The following CAPZB variants were observed in gnomAD, a reference collection of about 807,000 sequenced individuals.
CAPZB encodes F-actin-capping protein subunit beta.
A neutral mutation model predicts 38.1 loss-of-function variants in CAPZB; 2 were observed. The ratio of observed to expected loss-of-function variants is 0.05; its 90% confidence interval spans 0.02 to 0.17. CAPZB has a LOEUF of 0.17. Among genes scored for constraint, CAPZB ranks in the 10% least tolerant of loss-of-function variants. The probability of loss-of-function intolerance (pLI) is 1.00; values close to 1 mark genes in which losing one functional copy is unlikely to be tolerated. For synonymous variants in CAPZB, 107 were observed against 127.4 expected, an observed-to-expected ratio of 0.84 and a Z score of 1.08; for missense variants, 161 against 334.2, an observed-to-expected ratio of 0.48 and a Z score of 4.04.
chr1:19,466,691 T>A (rs548815404), intron 1 of CAPZB, among the ~76,000 whole-genome samples: 1 of 152,310 alleles, frequency 6.6e-6, no homozygotes, highest in Admixed American at 6.5e-5. Flanking sequence ...CCTGGTACAG[T>A]GCTCTTTTCA....
chr1:19,395,284 C>G (rs2094260745), intron 2 of CAPZB, among the ~76,000 whole-genome samples: 1 of 152,282 alleles, frequency 6.6e-6, no homozygotes, highest in East Asian at 1.9e-4. Context: ...TTTTGACCAA[C>G]AAATGATTTA....
chr1:19,485,514 T>G lies in CAPZB; in HGVS notation c.-76A>C. 4.4e-5 allele frequency: 50 copies of G among 1,145,628 alleles called. No individual in the cohort carries two copies. Among genetic ancestry groups the G allele is most frequent in the East Asian group, 6.9e-5 (2 of 29,190 alleles). 71.0% of individuals were successfully genotyped at this position (1,145,628 alleles called of 1,614,324 possible). A position where few individuals can be genotyped will look rare whatever the true frequency, so the allele number is the denominator to read the frequency against. ...CCGCAGCAGGGCCCGGCGCTTCCAC[T>G]TCCCCGGGTGCCCAGGAGTGAACAT... On this transcript the variant is annotated 5_prime_UTR_variant, in exon 1 of 9. Transcript: ENST00000264202.
At position 19,485,525 on chromosome 1, in the gene CAPZB, C is replaced by T; in HGVS notation, c.-87G>A. 1 of 1,119,184 alleles carries T rather than the reference C, an allele frequency of 8.9e-7. No individual in the cohort carries two copies. Among genetic ancestry groups the T allele is most frequent in the Non-Finnish European group, 1.1e-6 (1 of 886,852 alleles). The allele number at this position is 1,119,184 out of a possible 1,614,324, so 69.3% of individuals were successfully genotyped here. ...CCCGGCGCTTCCACTTCCCCGGGTG[C>T]CCAGGAGTGAACATCCGGGTCAGCA... On this transcript the variant is annotated 5_prime_UTR_variant, in exon 1 of 9. Transcript: ENST00000264202.
At position 19,402,210 on chromosome 1, in the gene CAPZB, T is replaced by C. The variant is rs548884512; in HGVS notation, c.94-16584A>G. Among the ~76,000 whole-genome samples the C allele has an allele frequency of 2.6e-5, 4 of 152,330 alleles. No individual in the cohort carries two copies. In the South Asian group the frequency reaches 8.3e-4, roughly 32 times the overall value. The stretch of plus-strand genomic sequence containing the variant: ...GGGCTGCGAAGGAATCAACAGGAAC[T>C]GAGAGAACACCTGAATGGTCTGATT... On this transcript the variant is annotated intron_variant, in intron 2 of 8. Coordinates refer to ENST00000264202, the MANE Select transcript of CAPZB (RefSeq NM_004930.5).
Position 19,378,656 on chromosome 1 carries a change from G to A in CAPZB, c.216-3C>T. The A allele has an allele frequency of 1.3e-6, 2 of 1,524,850 alleles. No individual in the cohort carries two copies. The highest frequency in any genetic ancestry group is 9.1e-7 in the Non-Finnish European group (1 of 1,099,142). 94.5% of individuals were successfully genotyped at this position (1,524,850 alleles called of 1,614,324 possible). A position where few individuals can be genotyped will look rare whatever the true frequency, so the allele number is the denominator to read the frequency against. ...CATACTTGTTACTCCATGGTGACCT[G>A]GAGGGAAGGAAGGAAAAGTATATAC... is the stretch of plus-strand genomic sequence containing the variant. On this transcript the variant is annotated splice_region_variant and splice_polypyrimidine_tract_variant and intron_variant, in intron 3 of 8. Transcript: ENST00000264202.
chr1:19,446,263 C>A (rs2094495585), intron 1 of CAPZB, among the ~76,000 whole-genome samples: 1 of 152,198 alleles, frequency 6.6e-6, no homozygotes, highest in Non-Finnish European at 1.5e-5. Flanking sequence ...AAACTGAGAC[C>A]ATTTTTCTCT....
At chr1:19,419,600 C>T (rs1252173065) in intron 2 of CAPZB, 61 bp downstream of exon 2, 13 of 986,216 alleles carry the variant, frequency 1.3e-5, no homozygotes, top group Non-Finnish European at 1.6e-5. Flanking sequence ...GAAAAAGCTA[C>T]ACAAAAGCAA....
chr1:19,388,515 A>G (rs1438293694), intron 2 of CAPZB, among the ~76,000 whole-genome samples: 1 of 152,246 alleles, frequency 6.6e-6, no homozygotes, highest in African/African-American at 2.4e-5. Context: ...GCACTTGTCC[A>G]GAACTAAATC....
At chr1:19,465,367 C>G (rs2094565654) in intron 1 of CAPZB, among the ~76,000 whole-genome samples, 1 of 152,180 alleles carries the variant, frequency 6.6e-6, no homozygotes, top group African/African-American at 2.4e-5. Flanking sequence ...AAGCCTTTGC[C>G]AAACACTGAG....
At chr1:19,448,826 C>G in intron 1 of CAPZB, 4 of 1,612,802 alleles carry the variant, frequency 2.5e-6, no homozygotes, top group South Asian at 1.1e-5. Context: ...ATCTAAAGTG[C>G]GTGTCACCTT....
At chr1:19,389,010 A>G (rs1054902169) in intron 2 of CAPZB, among the ~76,000 whole-genome samples, 8 of 152,206 alleles carry the variant, frequency 5.3e-5, no homozygotes, top group African/African-American at 1.9e-4. Context: ...TCAACTCTTA[A>G]GCTGGGCCAT....
chr1:19,484,318 C>T (rs1314051546), intron 1 of CAPZB: 1 of 1,595,634 alleles, frequency 6.3e-7, no homozygotes, highest in Non-Finnish European at 8.5e-7. Context: ...GCCTGGTGGC[C>T]CCCCAAGGCC....
At position 19,406,269 on chromosome 1, in the gene CAPZB, C is replaced by T. The variant is rs141470620; in HGVS notation, c.93+13392G>A. ...GCTTCTTTATGTAAGCAATGCAAAG[C>T]CTCTGGGTGCACTGGAACCCAACGC... On this transcript the variant is annotated intron_variant, in intron 2 of 8. Transcript: ENST00000264202. 3.6e-4 allele frequency among the ~76,000 whole-genome samples: 55 copies of T among 152,330 alleles called. 1 individual carries two copies. Among genetic ancestry groups the T allele is most frequent in the African/African-American group, 1.2e-3 (50 of 41,580 alleles).
chr1:19,356,549 G>A lies in CAPZB; in HGVS notation c.588+86C>T, dbSNP rs2094021913. 1.2e-6 allele frequency: 1 copy of A among 852,752 alleles called. No individual in the cohort carries two copies. The highest frequency in any genetic ancestry group is 2.1e-6 in the Non-Finnish European group (1 of 486,944). 52.8% of individuals were successfully genotyped at this position (852,752 alleles called of 1,614,324 possible). ...TGGCTGAACATGCTTACCCTAAATGGGGCACCTGCTCACTCATCTCTGCAG... is the reference window on the plus strand; with the variant it reads ...TGGCTGAACATGCTTACCCTAAATGAGGCACCTGCTCACTCATCTCTGCAG... On this transcript the variant is annotated intron_variant, in intron 6 of 8. Coordinates refer to ENST00000264202, the MANE Select transcript of CAPZB (RefSeq NM_004930.5). The surrounding 1 kb of genome is among the most constrained non-coding windows in gnomAD (Gnocchi z 4.3).
In CAPZB at chr1:19,356,349, T is replaced by A. The variant is rs2094020733; in HGVS notation, c.588+286A>T. 6.6e-6 allele frequency among the ~76,000 whole-genome samples: 1 copy of A among 151,842 alleles called. No individual in the cohort carries two copies. The highest frequency in any genetic ancestry group is 2.1e-4 in the South Asian group (1 of 4,794). On this transcript the variant is annotated intron_variant, in intron 6 of 8. Coordinates refer to ENST00000264202, the MANE Select transcript of CAPZB (RefSeq NM_004930.5). The surrounding 1 kb of genome is among the most constrained non-coding windows in gnomAD (Gnocchi z 4.3). ...AAGCACCACTTCTCACAGCACAACA[T>A]GAGCTGAAGCATGGGGATGTGCGGG...
chr1:19,477,953 C>G (rs1284659724), intron 1 of CAPZB, among the ~76,000 whole-genome samples: 1 of 152,174 alleles, frequency 6.6e-6, no homozygotes, highest in Non-Finnish European at 1.5e-5. Flanking sequence ...TACTAGGGCT[C>G]TGAGACAGCA....
chr1:19,479,401 T>C (rs926941957), intron 1 of CAPZB, among the ~76,000 whole-genome samples: 4 of 152,168 alleles, frequency 2.6e-5, no homozygotes, highest in Non-Finnish European at 5.9e-5. Context: ...CTACCCAGAC[T>C]GAAATCCCCA....
At chr1:19,402,452 G>C (rs2094308187) in intron 2 of CAPZB, among the ~76,000 whole-genome samples, 1 of 152,210 alleles carries the variant, frequency 6.6e-6, no homozygotes, top group African/African-American at 2.4e-5. Context: ...AGTCTGAGTG[G>C]GAGCTAACAG....
intron 1 of CAPZB, among the ~76,000 whole-genome samples, chr1:19,468,938 C>A (rs2094577373): frequency 1.3e-5 from 2 of 152,232 alleles, no homozygotes; most frequent in African/African-American, 4.8e-5. Context: ...TACGGCTGCA[C>A]TCAGACACAG....
Sources: allele counts gnomAD v4.1 joint callset (sites outside exome capture counted in the v4.1 genomes callset), GRCh38; gene constraint gnomAD v4.1.1; non-coding constraint Gnocchi (gnomAD v3.1); transcripts MANE v1.5; gene names NCBI Gene and HGNC (gene_info 2026-07-23, HGNC 2026-07-21).